Variants in HYCC1 observed in about 807,000 individuals in gnomAD.
HYCC1 encodes hyccin.
chr7:22,915,333 G>A, the HYCC1 span, among the ~76,000 whole-genome samples: 23 of 152,314 alleles, frequency 1.5e-4, no homozygotes, highest in African/African-American at 5.5e-4. Context: ...ACTTCAAAAC[G>A]CCTAAGCCAT....
At chr7:22,946,301 A>G in the HYCC1 span, 2 of 692,702 alleles carry the variant, frequency 2.9e-6, no homozygotes, top group East Asian at 2.7e-5. Context: ...ATAGAAAATC[A>G]AAGGATAAAT....
chr7:22,901,135 C>T, the HYCC1 span, among the ~76,000 whole-genome samples: 3 of 142,322 alleles, frequency 2.1e-5, no homozygotes, highest in South Asian at 2.3e-4. Flanking sequence ...GTGGGAGGAT[C>T]GCTTGAGCCC....
the HYCC1 span, among the ~76,000 whole-genome samples, chr7:22,958,463 G>A: frequency 6.6e-6 from 1 of 152,082 alleles, no homozygotes; most frequent in South Asian, 2.1e-4. Flanking sequence ...AATAAACAGA[G>A]TTTCCCAAGT....
the HYCC1 span, chr7:22,976,253 T>C: frequency 6.2e-7 from 1 of 1,613,440 alleles, no homozygotes; most frequent in South Asian, 1.1e-5. Context: ...ACACTGGGCA[T>C]GTAAGTTAAG....
At chr7:22,938,179 T>C in the HYCC1 span, 1 of 152,166 alleles carries the variant, frequency 6.6e-6, no homozygotes, top group Non-Finnish European at 1.5e-5. Context: ...ATTTTTTTGT[T>C]GTTGTTGTTT....
chr7:22,999,368 A>C, the HYCC1 span, among the ~76,000 whole-genome samples: 1 of 152,240 alleles, frequency 6.6e-6, no homozygotes, highest in Non-Finnish European at 1.5e-5. Context: ...CAGTGAATCA[A>C]ACTTCAGTAA....
chr7:23,000,360 T>TTATATAGATAGGTACCTATCTATATC, the HYCC1 span, among the ~76,000 whole-genome samples: 2 of 152,194 alleles, frequency 1.3e-5, no homozygotes, highest in Non-Finnish European at 2.9e-5. Flanking sequence ...AATAATATAT[T>TTATATAGATAGGTACCTATCTATATC]TATATAGATA....
the HYCC1 span, among the ~76,000 whole-genome samples, chr7:22,968,171 G>C: frequency 6.6e-6 from 1 of 152,106 alleles, no homozygotes; most frequent in Admixed American, 6.6e-5. Context: ...ACATTTTCTA[G>C]CTTTCCTTGC....
the HYCC1 span, among the ~76,000 whole-genome samples, chr7:22,957,717 A>G: frequency 3.9e-5 from 6 of 151,954 alleles, no homozygotes; most frequent in Non-Finnish European, 8.8e-5. Context: ...AGGGAATAGT[A>G]GGGATATGAG....
At chr7:22,912,471 T>C in the HYCC1 span, among the ~76,000 whole-genome samples, 5 of 152,010 alleles carry the variant, frequency 3.3e-5, no homozygotes, top group African/African-American at 7.2e-5. Flanking sequence ...GATTGGGAGC[T>C]CCCTTCCTCC....
chr7:23,003,811 G>A, the HYCC1 span, among the ~76,000 whole-genome samples: 16 of 152,278 alleles, frequency 1.1e-4, no homozygotes, highest in Admixed American at 8.5e-4. Flanking sequence ...GGCAAAGAGG[G>A]AAGTGCAATG....
the HYCC1 span, chr7:22,961,305 T>G: frequency 6.3e-7 from 1 of 1,586,072 alleles, no homozygotes; most frequent in Non-Finnish European, 8.6e-7. Context: ...TTGAGCTAGA[T>G]CCCATTCTCC....
chr7:22,924,762 CACAG>C, the HYCC1 span, among the ~76,000 whole-genome samples: 3 of 152,256 alleles, frequency 2.0e-5, no homozygotes, highest in African/African-American at 7.2e-5. Context: ...GGGGGCAGGG[CACAG>C]ACAAACAAAA....
At chr7:22,996,857 C>G in the HYCC1 span, among the ~76,000 whole-genome samples, 1 of 152,080 alleles carries the variant, frequency 6.6e-6, no homozygotes, top group African/African-American at 2.4e-5. Flanking sequence ...ACTCTGCAAG[C>G]TTTATAAATC....
the HYCC1 span, among the ~76,000 whole-genome samples, chr7:22,913,499 A>T: frequency 6.6e-6 from 1 of 152,190 alleles, no homozygotes; most frequent in Non-Finnish European, 1.5e-5. Context: ...GCGTGTATAC[A>T]TCCAGATGGC....
At chr7:22,929,189 T>C in the HYCC1 span, among the ~76,000 whole-genome samples, 2 of 152,136 alleles carry the variant, frequency 1.3e-5, no homozygotes, top group Non-Finnish European at 2.9e-5. Flanking sequence ...CAAAAATTAA[T>C]TCAAGATGGA....
the HYCC1 span, among the ~76,000 whole-genome samples, chr7:22,972,888 T>C: frequency 6.6e-6 from 1 of 152,136 alleles, no homozygotes; most frequent in Non-Finnish European, 1.5e-5. Flanking sequence ...AGGTGGAGGG[T>C]GGGAAGTGTT....
the HYCC1 span, among the ~76,000 whole-genome samples, chr7:22,921,785 T>A: frequency 6.6e-6 from 1 of 152,156 alleles, no homozygotes; most frequent in Non-Finnish European, 1.5e-5. Context: ...CAGCCCTTCA[T>A]ATACACAGGT....
At chr7:22,932,797 A>T in the HYCC1 span, among the ~76,000 whole-genome samples, 6 of 152,170 alleles carry the variant, frequency 3.9e-5, no homozygotes, top group African/African-American at 1.2e-4. Flanking sequence ...TTGAATGATG[A>T]TCCCCCAAAA....
Sources: gnomAD v4.1 joint callset for allele counts (sites outside exome capture counted in the v4.1 genomes callset) on GRCh38, gnomAD v4.1.1 for gene constraint, MANE v1.5 for transcripts, NCBI Gene and HGNC (gene_info 2026-07-23, HGNC 2026-07-21) for gene names.